MARK1: variants seen among roughly 807,000 people sequenced by gnomAD.
MARK1 encodes microtubule affinity regulating kinase 1.
A neutral mutation model predicts 96.3 loss-of-function variants in MARK1; 40 were observed. The ratio of observed to expected loss-of-function variants is 0.42; its 90% CI spans 0.32 to 0.54. The LOEUF (loss-of-function observed/expected upper bound fraction) is 0.54. Ranked by LOEUF, MARK1 falls within the 20% of genes least tolerant of loss-of-function variation. The pLI, the probability that MARK1 is intolerant of heterozygous loss-of-function variation, is 0.16. For synonymous variants in MARK1, 317 were observed against 341.2 expected (o/e 0.93, Z 0.78); for missense variants, 719 against 984.6 (o/e 0.73, Z 3.61).
At chr1:220,545,768 T>G (rs1661450174) in intron 1 of MARK1, among the ~76,000 whole-genome samples, 1 of 152,148 alleles carries the variant, frequency 6.6e-6, no homozygotes, top group Admixed American at 6.5e-5. Flanking sequence ...AGTATTTATA[T>G]ACACTTTATC....
At chr1:220,532,373 T>A (rs1471765903) in intron 1 of MARK1, among the ~76,000 whole-genome samples, 1 of 152,238 alleles carries the variant, frequency 6.6e-6, no homozygotes, top group African/African-American at 2.4e-5. Flanking sequence ...TCACAGTACC[T>A]ATCACATAGC....
intron 1 of MARK1, 71 bp from the exon 2 acceptor site, chr1:220,579,283 T>G (rs760984087): frequency 4.2e-4 from 425 of 1,002,248 alleles, no homozygotes; most frequent in Non-Finnish European, 6.1e-4. Flanking sequence ...TAATAATTAT[T>G]TGTACTCTTT....
intron 13 of MARK1, among the ~76,000 whole-genome samples, chr1:220,646,992 G>A (rs1175176543): frequency 6.6e-6 from 1 of 152,086 alleles, no homozygotes; most frequent in African/African-American, 2.4e-5. Context: ...ACACAGGCAT[G>A]GGCAAAGATT....
intron 3 of MARK1, among the ~76,000 whole-genome samples, chr1:220,588,371 T>G (rs1664783989): frequency 6.6e-6 from 1 of 152,182 alleles, no homozygotes. Flanking sequence ...AAGACAAAAC[T>G]TTGGGAAACT....
At chr1:220,575,190 C>T (rs1663751111) in intron 1 of MARK1, among the ~76,000 whole-genome samples, 2 of 152,100 alleles carry the variant, frequency 1.3e-5, no homozygotes, top group South Asian at 4.1e-4. Context: ...CTACACTGCA[C>T]ACTCAGGGCA....
At chr1:220,616,183 G>A (rs45452391) in intron 7 of MARK1, among the ~76,000 whole-genome samples, 188 bp downstream of exon 7, 10,176 of 152,168 alleles carry the variant, frequency 0.067, 408 homozygotes, top group Middle Eastern at 0.15. Context: ...AAGAAAATAT[G>A]AGTGATAAGT....
At chr1:220,559,803 C>T (rs1662537161) in intron 1 of MARK1, among the ~76,000 whole-genome samples, 1 of 152,026 alleles carries the variant, frequency 6.6e-6, no homozygotes, top group African/African-American at 2.4e-5. Flanking sequence ...AACCATAAAG[C>T]AAAGACATCA....
chr1:220,642,450 A>G (rs1470109462), intron 13 of MARK1, among the ~76,000 whole-genome samples: 2 of 152,160 alleles, frequency 1.3e-5, no homozygotes, highest in African/African-American at 2.4e-5. Context: ...GAATCCCAGC[A>G]ACTCCAGCCA....
At chr1:220,547,071 C>T (rs1661552509) in intron 1 of MARK1, among the ~76,000 whole-genome samples, 1 of 152,166 alleles carries the variant, frequency 6.6e-6, no homozygotes, top group African/African-American at 2.4e-5. Flanking sequence ...GATCAAATCA[C>T]TAACCTTTCT....
chr1:220,600,981 C>T (rs975679219), intron 5 of MARK1, among the ~76,000 whole-genome samples: 2 of 151,840 alleles, frequency 1.3e-5, no homozygotes, highest in African/African-American at 4.8e-5. Context: ...CAAGCTCCGC[C>T]TCCCAAGTTC....
intron 10 of MARK1, 112 bp from the exon 11 acceptor site, chr1:220,632,089 A>C (rs1667709600): frequency 3.7e-6 from 2 of 533,686 alleles, no homozygotes; most frequent in Admixed American, 6.1e-5. Context: ...CTACACTTTA[A>C]ATTTTCATGA....
At chr1:220,633,740 A>G (rs138194432) in intron 11 of MARK1, among the ~76,000 whole-genome samples, 170 of 152,326 alleles carry the variant, frequency 1.1e-3, no homozygotes, top group African/African-American at 3.9e-3. Context: ...GAAATAAGAG[A>G]TAAGAGCCCA....
intron 4 of MARK1, among the ~76,000 whole-genome samples, chr1:220,598,799 C>T (rs913951580): frequency 4.0e-5 from 6 of 151,788 alleles, no homozygotes; most frequent in African/African-American, 1.5e-4. Flanking sequence ...TTTGAGACCA[C>T]CCTGGGCAAC....
intron 1 of MARK1, among the ~76,000 whole-genome samples, chr1:220,543,479 A>G (rs1026935521): frequency 6.6e-6 from 1 of 152,206 alleles, no homozygotes; most frequent in Non-Finnish European, 1.5e-5. Flanking sequence ...TAGCATTTCT[A>G]TGGGAATGCA....
chr1:220,597,520 A>G (rs1253528908), intron 3 of MARK1, among the ~76,000 whole-genome samples: 1 of 152,098 alleles, frequency 6.6e-6, no homozygotes, highest in Non-Finnish European at 1.5e-5. Flanking sequence ...TCTTTTGACT[A>G]TTGTGTATCT....
intron 13 of MARK1, among the ~76,000 whole-genome samples, chr1:220,643,833 TGAA>T (rs776086634): frequency 4.6e-5 from 7 of 152,192 alleles, no homozygotes; most frequent in East Asian, 1.9e-4. Flanking sequence ...GCTTCAAAAA[TGAA>T]GAAGTAAAAT....
chr1:220,648,645 C>G (rs907074983), intron 13 of MARK1, among the ~76,000 whole-genome samples: 1 of 152,136 alleles, frequency 6.6e-6, no homozygotes, highest in Non-Finnish European at 1.5e-5. Context: ...TGAGAATAGC[C>G]AGAAACATTT....
chr1:220,639,449 A>C (rs1668150684), intron 13 of MARK1, among the ~76,000 whole-genome samples: 2 of 152,098 alleles, frequency 1.3e-5, no homozygotes, highest in African/African-American at 4.8e-5. Flanking sequence ...ATATTATTTC[A>C]TTGGTATTAA....
At chr1:220,557,679 G>C (rs948329670) in intron 1 of MARK1, among the ~76,000 whole-genome samples, 1 of 152,158 alleles carries the variant, frequency 6.6e-6, no homozygotes, top group Middle Eastern at 3.2e-3. Context: ...ACAGAATTTA[G>C]AGGAAAGAAG....
Sources: gnomAD v4.1 joint callset for allele counts (sites outside exome capture counted in the v4.1 genomes callset) on GRCh38, gnomAD v4.1.1 for gene constraint, MANE v1.5 for transcripts, NCBI Gene and HGNC (gene_info 2026-07-23, HGNC 2026-07-21) for gene names.